Variants in HAL observed in about 807,000 individuals in gnomAD.
The protein encoded by HAL is histidase.
A neutral mutation model predicts 81.1 loss-of-function variants in HAL; 85 were observed. That is an observed-to-expected ratio of 1.05 (90% CI 0.88 to 1.25). The LOEUF is 1.25. Ranked by LOEUF, HAL falls within the 50% of genes most tolerant of loss-of-function variation. The pLI is 0.00. For missense variants in HAL, 798 were observed against 836.6 expected, an observed-to-expected ratio of 0.95 and a Z score of 0.57; for synonymous variants, 301 against 309.2, an observed-to-expected ratio of 0.97 and a Z score of 0.28.
At position 95,974,048 on chromosome 12, in the gene HAL, G is replaced by A; in HGVS notation, c.*184C>T. 1 of 680,086 alleles carries A rather than the reference G, an allele frequency of 1.5e-6. No homozygotes were observed. Among genetic ancestry groups the A allele is most frequent in the East Asian group, 2.5e-5 (1 of 39,362 alleles). 42.1% of individuals were successfully genotyped at this position (680,086 alleles called of 1,614,324 possible). A position where few individuals can be genotyped will look rare whatever the true frequency, so the allele number is the denominator to read the frequency against. Reference sequence around the variant, plus strand: ...TGGTGGGTCTTGAACCACGACAACAGGAACACAGTGCTGAATTTAGCAACT... The same window carrying A: ...TGGTGGGTCTTGAACCACGACAACAAGAACACAGTGCTGAATTTAGCAACT... On this transcript the variant is annotated 3_prime_UTR_variant, in exon 21 of 21. Coordinates refer to ENST00000261208, the MANE Select transcript of HAL (RefSeq NM_002108.4).
intron 14 of HAL, among the ~76,000 whole-genome samples, chr12:95,984,662 C>T (rs1441459341): frequency 6.6e-6 from 1 of 152,082 alleles, no homozygotes; most frequent in Non-Finnish European, 1.5e-5. Flanking sequence ...TTCCCCATTG[C>T]AAAATGGGAG....
At chr12:95,986,035 A>G (rs372892910) in intron 13 of HAL, 30 bp downstream of exon 13, 2 of 1,562,812 alleles carry the variant, frequency 1.3e-6, no homozygotes, top group Non-Finnish European at 8.8e-7. Context: ...CACGTAACCA[A>G]ATAGGTCACT....
At chr12:95,976,539 C>A in intron 19 of HAL, 41 bp from the exon 20 acceptor site, 1 of 1,605,520 alleles carries the variant, frequency 6.2e-7, no homozygotes, top group Non-Finnish European at 8.5e-7. Flanking sequence ...AAACATGAAA[C>A]CCTGCCAGGG....
Position 95,974,236 on chromosome 12 carries a change from A to T in HAL, c.1970T>A (p.Leu657His), listed in dbSNP as rs138504011. The T allele has an allele frequency of 7.4e-5, 119 of 1,613,990 alleles. No individual in the cohort carries two copies. Among genetic ancestry groups the T allele is most frequent in the Non-Finnish European group, 9.4e-5 (111 of 1,179,820 alleles). Residue 657 changes from leucine to histidine, a missense_variant, in exon 21 of 21, where the codon CTT becomes CAT. Leu to His is a moderately conservative substitution (Grantham distance 99). Coordinates refer to ENST00000261208, the MANE Select transcript of HAL (RefSeq NM_002108.4). ...GCTACTTCATGACAAAGCCCATTAA[A>T]GGTCCTCAGACTCCGGGATTTTGGT... The part of the protein sequence containing the change: ...KSTKIPESED[L>H]
At chr12:95,977,710 T>G (rs10745746) in intron 18 of HAL, among the ~76,000 whole-genome samples, 1 of 150,050 alleles carries the variant, frequency 6.7e-6, no homozygotes, top group Admixed American at 6.6e-5. Context: ...GCATGGTTCC[T>G]TGGTTCTTAA....
At chr12:95,994,877 C>T in intron 3 of HAL, 52 bp from the exon 4 acceptor site, 2 of 1,610,064 alleles carry the variant, frequency 1.2e-6, no homozygotes, top group Non-Finnish European at 1.7e-6. Flanking sequence ...CCCCCAGCCC[C>T]ACCATCTGCA....
In HAL at chr12:95,985,967, C is replaced by T. The variant is rs1442045279; in HGVS notation, c.1148-1G>A. ...ACGCGATCACAGAACCTGTGACTCT[C>T]TGTGGAAGAGGTGGAGGGGATGAGA... On this transcript the variant is annotated splice_acceptor_variant, in intron 13 of 20. Transcript: ENST00000261208. LOFTEE classifies it high-confidence loss of function. 1.2e-6 allele frequency: 2 copies of T among 1,611,306 alleles called. No individual in the cohort carries two copies.
In HAL at chr12:95,994,001, AG is replaced by A. The variant is rs1950002919; in HGVS notation, c.412-4del. On this transcript the variant is annotated splice_polypyrimidine_tract_variant and splice_region_variant and intron_variant, in intron 5 of 20. Coordinates refer to ENST00000261208, the MANE Select transcript of HAL (RefSeq NM_002108.4). ...CTCTTCTCAGCTGTTGGGGTGAGCT[AG>A]GAAAATGTTGATCAGAACTGAGCAC... 1 of 1,611,238 alleles carries A rather than the reference AG, an allele frequency of 6.2e-7. No homozygotes were observed.
intron 11 of HAL, 103 bp from the exon 12 acceptor site, chr12:95,987,317 T>G: frequency 1.1e-6 from 1 of 920,130 alleles, no homozygotes; most frequent in Non-Finnish European, 1.8e-6. Flanking sequence ...AATTAGCCAG[T>G]CATAAACATA....
chr12:95,995,963 T>C lies in HAL; in HGVS notation c.-53A>G. 1.3e-6 allele frequency: 2 copies of C among 1,589,550 alleles called. No individual in the cohort carries two copies. The highest frequency in any genetic ancestry group is 1.1e-5 in the South Asian group (1 of 90,122). ...CTGGTCACAGGAGGGGAGAGCTTTA[T>C]GCAGGAGTGGCTACCGGGGTGTGGT... On this transcript the variant is annotated 5_prime_UTR_variant, in exon 2 of 21. Coordinates refer to ENST00000261208, the MANE Select transcript of HAL (RefSeq NM_002108.4).
chr12:95,980,626 A>G lies in HAL; in HGVS notation c.1449T>C (p.Pro483=), dbSNP rs2080779097. The G allele has an allele frequency of 6.2e-7, 1 of 1,613,972 alleles. No individual in the cohort carries two copies. Among genetic ancestry groups the G allele is most frequent in the Non-Finnish European group, 8.5e-7 (1 of 1,179,800 alleles). Residue 483 remains proline (P), a synonymous_variant, in exon 17 of 21, where the codon CCT becomes CCC. Coordinates refer to ENST00000261208, the MANE Select transcript of HAL (RefSeq NM_002108.4). ...GACCACCTTCAGCCACCAGGAAGGC[A>G]GGCAGCTCACTGAGGGAGGGATTGC... ...RLCNPSLSEL[P]AFLVAEGGLN...
chr12:95,980,955 G>T, intron 15 of HAL, 92 bp from the exon 16 acceptor site: 1 of 818,782 alleles, frequency 1.2e-6, no homozygotes, highest in Non-Finnish European at 2.2e-6. Context: ...GGAGGTGGCA[G>T]TCTGTGTACA....
rs1192733298 is a variant in HAL, at chr12:95,994,814, T to A, written c.320A>T (p.Tyr107Phe). 6.2e-7 allele frequency: 1 copy of A among 1,614,114 alleles called. No individual in the cohort carries two copies. Among genetic ancestry groups the A allele is most frequent in the South Asian group, 1.1e-5 (1 of 91,088 alleles). ...QPEGVYLYSK[Y>F]REPEKYIELD... ...GAAGCTTACCTTTTCAGGCTCCCGGTACTTGCTGTATCTGTATCCAGGTAA... is the reference window on the plus strand; with the variant it reads ...GAAGCTTACCTTTTCAGGCTCCCGGAACTTGCTGTATCTGTATCCAGGTAA... The change falls in exon 4 of 21, where the codon TAC becomes TTC. Residue 107 changes from tyrosine (Y) to phenylalanine (F), a missense_variant. Coordinates refer to ENST00000261208, the MANE Select transcript of HAL (RefSeq NM_002108.4).
chr12:95,974,975 A>G (rs2080698978), intron 20 of HAL, among the ~76,000 whole-genome samples: 1 of 152,194 alleles, frequency 6.6e-6, no homozygotes, highest in African/African-American at 2.4e-5. Flanking sequence ...TCTGGCCTCA[A>G]GTGATCCACC....
chr12:95,995,154 G>A, intron 2 of HAL, 161 bp from the exon 3 acceptor site: 2 of 685,126 alleles, frequency 2.9e-6, no homozygotes, highest in Admixed American at 2.1e-5. Flanking sequence ...CTTTATGTAG[G>A]AGGAGAGCAA....
intron 15 of HAL, among the ~76,000 whole-genome samples, chr12:95,983,129 T>C (rs905920624): frequency 2.0e-5 from 3 of 152,240 alleles, no homozygotes; most frequent in Non-Finnish European, 2.9e-5. Flanking sequence ...CGCTCACACC[T>C]GTAATCCCGG....
chr12:95,987,548 A>G (rs959472588), intron 11 of HAL, among the ~76,000 whole-genome samples: 10 of 152,270 alleles, frequency 6.6e-5, no homozygotes, highest in Non-Finnish European at 1.2e-4. Flanking sequence ...TCTTACTGTT[A>G]TAGATGAGAC....
chr12:95,975,362 T>C (rs1293084259), intron 20 of HAL, among the ~76,000 whole-genome samples: 2 of 151,142 alleles, frequency 1.3e-5, no homozygotes, highest in South Asian at 2.1e-4. Context: ...TTTTTTTTTT[T>C]CTTAAGCATA....
rs756635752 is a variant in HAL, at chr12:95,976,506, G to A, written c.1764-8C>T. On this transcript the variant is annotated splice_region_variant and splice_polypyrimidine_tract_variant and intron_variant, in intron 19 of 20. Coordinates refer to ENST00000261208, the MANE Select transcript of HAL (RefSeq NM_002108.4). ...CGATCTTTTATCCAGGGCCTACAGG[G>A]AGAGCACATCCGCCCATCAGCCAAA... The A allele has an allele frequency of 2.7e-5, 44 of 1,613,714 alleles. No homozygotes were observed. In the Admixed American group the frequency reaches 5.7e-4, roughly 21 times the overall value.
Sources: allele counts gnomAD v4.1 joint callset (sites outside exome capture counted in the v4.1 genomes callset), GRCh38; gene constraint gnomAD v4.1.1; transcripts MANE v1.5; gene names NCBI Gene and HGNC (gene_info 2026-07-23, HGNC 2026-07-21).